TRPC7: variants seen among roughly 807,000 people sequenced by gnomAD.
TRPC7 encodes the protein transient receptor potential cation channel subfamily C member 7, also known as short transient receptor potential channel 7.
In TRPC7, 42 loss-of-function variants were observed where a neutral mutation model predicts 90.1. The ratio of observed to expected loss-of-function variants is 0.47; its 90% CI spans 0.36 to 0.60. TRPC7 has a LOEUF of 0.60. Ranked by LOEUF, TRPC7 falls within the 20% of genes least tolerant of loss-of-function variation. The pLI, the probability that TRPC7 is intolerant of heterozygous loss-of-function variation, is 0.00. For synonymous variants in TRPC7, 451 were observed against 436.3 expected, an observed-to-expected ratio of 1.03 and a Z score of -0.42; for missense variants, 955 against 1,112.3, an observed-to-expected ratio of 0.86 and a Z score of 2.01.
At chr5:136,271,899 T>C (rs1215604222) in intron 4 of TRPC7, among the ~76,000 whole-genome samples, 3 of 152,202 alleles carry the variant, frequency 2.0e-5, no homozygotes, top group East Asian at 1.9e-4. Context: ...AAAAATAGAA[T>C]TGACAGCCTT....
chr5:136,214,095 G>C (rs1374605663), intron 11 of TRPC7: 1 of 155,706 alleles, frequency 6.4e-6, no homozygotes, highest in African/African-American at 2.4e-5. Context: ...AGCCGTGGTG[G>C]CCATGGAGCT....
chr5:136,351,729 A>G (rs1395820479), intron 2 of TRPC7, among the ~76,000 whole-genome samples: 1 of 152,190 alleles, frequency 6.6e-6, no homozygotes, highest in Admixed American at 6.5e-5. Context: ...ACCTTCCACA[A>G]TGGGATCTCT....
intron 2 of TRPC7, among the ~76,000 whole-genome samples, chr5:136,331,020 A>G (rs985868828): frequency 2.6e-5 from 4 of 152,150 alleles, no homozygotes; most frequent in African/African-American, 9.7e-5. Flanking sequence ...GCTGGGGGAA[A>G]CTTGCAGCTC....
intron 7 of TRPC7, among the ~76,000 whole-genome samples, chr5:136,240,014 A>G (rs1045232033): frequency 1.3e-5 from 2 of 152,112 alleles, no homozygotes; most frequent in Admixed American, 6.5e-5. Context: ...AGCAGACCCA[A>G]TTACATCTTC....
At chr5:136,280,962 A>T (rs561358984) in intron 3 of TRPC7, among the ~76,000 whole-genome samples, 9 of 152,336 alleles carry the variant, frequency 5.9e-5, no homozygotes, top group Non-Finnish European at 1.0e-4. Context: ...AGTGATTATG[A>T]CGACAGGGCC....
intron 4 of TRPC7, among the ~76,000 whole-genome samples, chr5:136,273,847 G>C (rs1426631032): frequency 6.6e-6 from 1 of 152,238 alleles, no homozygotes; most frequent in East Asian, 1.9e-4. Flanking sequence ...TTTCTGCATG[G>C]TTTGGTCTTA....
intron 3 of TRPC7, among the ~76,000 whole-genome samples, chr5:136,306,107 C>T (rs1758618478): frequency 6.6e-6 from 1 of 152,192 alleles, no homozygotes. Flanking sequence ...CTTGTTTACA[C>T]TGCCGGTTTA....
intron 3 of TRPC7, among the ~76,000 whole-genome samples, chr5:136,312,763 C>T (rs142910856): frequency 6.6e-6 from 1 of 152,144 alleles, no homozygotes; most frequent in Admixed American, 6.6e-5. Context: ...TGAAGATAAT[C>T]AAACATTCAT....
chr5:136,319,357 C>T (rs910536506), intron 2 of TRPC7, among the ~76,000 whole-genome samples: 1 of 152,136 alleles, frequency 6.6e-6, no homozygotes, highest in Admixed American at 6.6e-5. Flanking sequence ...GGATATCAAC[C>T]TCCTTTGGCT....
intron 4 of TRPC7, among the ~76,000 whole-genome samples, chr5:136,268,324 G>GAGC (rs111898570): frequency 0.069 from 10,562 of 152,118 alleles, 804 homozygotes; most frequent in African/African-American, 0.19. Flanking sequence ...GAGGAGAATA[G>GAGC]ATGAGGAGAG....
chr5:136,243,659 C>T (rs1756239189), intron 7 of TRPC7, among the ~76,000 whole-genome samples: 1 of 151,102 alleles, frequency 6.6e-6, no homozygotes, highest in Admixed American at 6.6e-5. Flanking sequence ...CTCATTTATT[C>T]TCACATGGCT....
At chr5:136,335,829 GGGAGGC>G (rs1371766229) in intron 2 of TRPC7, among the ~76,000 whole-genome samples, 2 of 145,816 alleles carry the variant, frequency 1.4e-5, no homozygotes, top group East Asian at 4.1e-4. Flanking sequence ...GCGTGAACCC[GGGAGGC>G]GGAGCTTGCA....
intron 2 of TRPC7, among the ~76,000 whole-genome samples, chr5:136,355,197 T>G (rs2149860387): frequency 6.6e-6 from 1 of 152,330 alleles, no homozygotes; most frequent in South Asian, 2.1e-4. Flanking sequence ...CTCTTCCAGC[T>G]ATACCTTCTG....
chr5:136,287,678 G>A (rs1271462623), intron 3 of TRPC7, among the ~76,000 whole-genome samples: 5 of 100,442 alleles, frequency 5.0e-5, no homozygotes, highest in African/African-American at 1.9e-4. Context: ...CAGGGACAGA[G>A]TGGATGCTCA....
chr5:136,308,058 C>T (rs772192147), intron 3 of TRPC7, among the ~76,000 whole-genome samples: 24 of 152,154 alleles, frequency 1.6e-4, no homozygotes, highest in Non-Finnish European at 3.5e-4. Context: ...CTCCTGGACA[C>T]GACACTATAC....
chr5:136,216,338 G>T, intron 10 of TRPC7, 63 bp from the exon 11 acceptor site: 1 of 1,315,584 alleles, frequency 7.6e-7, no homozygotes, highest in Non-Finnish European at 1.1e-6. Flanking sequence ...AGCCTGCGTG[G>T]TGTAGCAGGA....
At chr5:136,331,758 T>G (rs958587836) in intron 2 of TRPC7, among the ~76,000 whole-genome samples, 1 of 152,136 alleles carries the variant, frequency 6.6e-6, no homozygotes, top group African/African-American at 2.4e-5. Context: ...GCTGGGTTAT[T>G]GCTCACCCAA....
At chr5:136,222,783 G>C (rs1483411119) in intron 10 of TRPC7, among the ~76,000 whole-genome samples, 2 of 152,160 alleles carry the variant, frequency 1.3e-5, no homozygotes, top group Admixed American at 1.3e-4. Flanking sequence ...TGGTGAGAGA[G>C]GGGGGGCCCT....
intron 3 of TRPC7, among the ~76,000 whole-genome samples, chr5:136,313,478 T>C (rs1427402420): frequency 6.6e-6 from 1 of 152,220 alleles, no homozygotes; most frequent in African/African-American, 2.4e-5. Context: ...AGTTATTTCA[T>C]AACTTGAATA....
Sources: gnomAD v4.1 joint callset for allele counts (sites outside exome capture counted in the v4.1 genomes callset) on GRCh38, gnomAD v4.1.1 for gene constraint, MANE v1.5 for transcripts, NCBI Gene and HGNC (gene_info 2026-07-23, HGNC 2026-07-21) for gene names.